TSGA10: variants seen among roughly 807,000 people sequenced by gnomAD.
TSGA10 encodes the protein testis specific 10, also known as testis-specific gene 10 protein.
TSGA10 carries 43 observed loss-of-function variants against 96.6 expected under a neutral mutation model. The observed-to-expected ratio is 0.44, with a 90% CI of 0.35 to 0.57. The LOEUF (loss-of-function observed/expected upper bound fraction) is 0.57. Among genes scored for constraint, TSGA10 ranks in the 20% least tolerant of loss-of-function variants. The pLI, the probability that TSGA10 is intolerant of heterozygous loss-of-function variation, is 0.01. For synonymous variants in TSGA10, 229 were observed against 269.9 expected, an observed-to-expected ratio of 0.85 and a Z score of 1.48; for missense variants, 703 against 834.4, an observed-to-expected ratio of 0.84 and a Z score of 1.94.
chr2:99,123,267 T>C (rs2092672836), intron 2 of TSGA10, among the ~76,000 whole-genome samples: 2 of 152,200 alleles, frequency 1.3e-5, no homozygotes, highest in Admixed American at 1.3e-4. Flanking sequence ...TTTTATGTCT[T>C]TGTGTCAAAT....
At chr2:99,127,993 C>G (rs551371944) in intron 1 of TSGA10, among the ~76,000 whole-genome samples, 3 of 152,314 alleles carry the variant, frequency 2.0e-5, no homozygotes, top group South Asian at 4.1e-4. Flanking sequence ...CGCTATTTTA[C>G]TTGACAACAT....
At chr2:99,046,486 G>A (rs182795296) in intron 16 of TSGA10, among the ~76,000 whole-genome samples, 52,239 of 151,938 alleles carry the variant, frequency 0.34, 10,102 homozygotes, top group African/African-American at 0.53. Flanking sequence ...GGTACATAAC[G>A]AAATGAAGGC....
At chr2:99,108,708 G>A in intron 7 of TSGA10, 125 bp downstream of exon 7, 1 of 638,788 alleles carries the variant, frequency 1.6e-6, no homozygotes, top group Non-Finnish European at 2.4e-6. Flanking sequence ...AAAAACATAT[G>A]TAATCCCCAA....
intron 10 of TSGA10, among the ~76,000 whole-genome samples, chr2:99,092,460 C>CA (rs1456740203): frequency 2.0e-5 from 3 of 151,434 alleles, no homozygotes; most frequent in East Asian, 1.9e-4. Flanking sequence ...GAAATTGCAA[C>CA]AAAAAACACA....
In TSGA10 at chr2:99,150,571, C is replaced by T; in HGVS notation, c.-621+4122G>A. 3 of 1,612,776 alleles carry T rather than the reference C, an allele frequency of 1.9e-6. No individual in the cohort carries two copies. In the East Asian group the frequency reaches 6.7e-5, roughly 36 times the overall value. ...TTCAGCTATCCTAATGGGATTTTCA[C>T]TTAGTAAATCTGCTACTCAGGTATC... On this transcript the variant is annotated intron_variant, in intron 1 of 20. Transcript: ENST00000393483.
intron 12 of TSGA10, among the ~76,000 whole-genome samples, chr2:99,077,842 G>A (rs375704113): frequency 4.6e-5 from 7 of 152,014 alleles, no homozygotes; most frequent in South Asian, 4.2e-4. Context: ...GATTACAGGC[G>A]TGAGCCACCG....
At chr2:99,108,212 T>C (rs2091514820) in intron 7 of TSGA10, among the ~76,000 whole-genome samples, 1 of 152,172 alleles carries the variant, frequency 6.6e-6, no homozygotes, top group Non-Finnish European at 1.5e-5. Context: ...TGTAAATTTA[T>C]AGGAAAACAT....
chr2:99,132,843 G>C (rs2093157010), intron 1 of TSGA10, among the ~76,000 whole-genome samples: 1 of 152,068 alleles, frequency 6.6e-6, no homozygotes, highest in African/African-American at 2.4e-5. Context: ...ACTTAATTCT[G>C]CCTTAATTTC....
In TSGA10 at chr2:99,074,351, CGTGTGTGTGTGT is replaced by C. The variant is rs147220063; in HGVS notation, c.883-1290_883-1279del. 3.4e-5 allele frequency among the ~76,000 whole-genome samples: 5 copies of C among 145,138 alleles called. No homozygotes were observed. In the East Asian group the frequency reaches 8.2e-4, roughly 24 times the overall value. On this transcript the variant is annotated intron_variant, in intron 12 of 20. Coordinates refer to ENST00000393483, the MANE Select transcript of TSGA10 (RefSeq NM_025244.4). ...TTAGCGTTAGTTTTACACATATTTG[CGTGTGTGTGTGT>C]GTGTGTGTGTGTGCTATCTTCCTTT...
intron 16 of TSGA10, among the ~76,000 whole-genome samples, chr2:99,059,846 G>A (rs1040913711): frequency 1.4e-5 from 2 of 146,854 alleles, no homozygotes; most frequent in Non-Finnish European, 3.0e-5. Context: ...CCCAGGAGGC[G>A]AAGGCTGCAG....
rs1298098942 is a variant in TSGA10, at chr2:99,052,820, G to A, written c.1404+12119C>T. On this transcript the variant is annotated intron_variant, in intron 16 of 20. Coordinates refer to ENST00000393483, the MANE Select transcript of TSGA10 (RefSeq NM_025244.4). ...GCAGTGGCTCATGCCTATAACCCCA[G>A]CACTTTGGAAGGCTGAGGCAGGTGG... is the stretch of plus-strand genomic sequence containing the variant. Among the ~76,000 whole-genome samples the A allele has an allele frequency of 3.3e-5, 5 of 152,072 alleles. No individual in the cohort carries two copies. In the East Asian group the frequency reaches 9.7e-4, roughly 29 times the overall value.
chr2:99,153,438 G>A (rs553449953), intron 1 of TSGA10, among the ~76,000 whole-genome samples: 1 of 152,310 alleles, frequency 6.6e-6, no homozygotes, highest in South Asian at 2.1e-4. Flanking sequence ...GCATGTTTGA[G>A]TGTCACTTGA....
chr2:99,101,591 G>C (rs1188163847), intron 10 of TSGA10, among the ~76,000 whole-genome samples: 1 of 151,942 alleles, frequency 6.6e-6, no homozygotes, highest in Non-Finnish European at 1.5e-5. Flanking sequence ...AGAGTAAAAA[G>C]AAATGAAGAA....
chr2:99,148,481 C>T (rs1041482506), intron 1 of TSGA10: 1 of 152,106 alleles, frequency 6.6e-6, no homozygotes, highest in Non-Finnish European at 1.5e-5. Context: ...TGAGTAAGTA[C>T]TATATTTAGG....
At chr2:99,006,022 G>A (rs1370610762) in intron 20 of TSGA10, among the ~76,000 whole-genome samples, 11 of 152,130 alleles carry the variant, frequency 7.2e-5, no homozygotes, top group Non-Finnish European at 1.3e-4. Flanking sequence ...TGACAAACCT[G>A]ACAAAAACAA....
intron 17 of TSGA10, among the ~76,000 whole-genome samples, chr2:99,025,051 G>C (rs1175104779): frequency 2.0e-5 from 3 of 152,068 alleles, no homozygotes; most frequent in Non-Finnish European, 4.4e-5. Flanking sequence ...ATTTTCTCGA[G>C]AATTTTTCAT....
intron 4 of TSGA10, among the ~76,000 whole-genome samples, chr2:99,114,170 AATCT>A (rs1251410458): frequency 6.6e-6 from 1 of 152,210 alleles, no homozygotes; most frequent in African/African-American, 2.4e-5. Context: ...CCCAGAGTAT[AATCT>A]TAAACACTAG....
chr2:99,127,047 C>T lies in TSGA10; in HGVS notation c.-492+1G>A. 1.6e-6 allele frequency: 2 copies of T among 1,288,246 alleles called. No homozygotes were observed. The highest frequency in any genetic ancestry group is 2.0e-6 in the Non-Finnish European group (2 of 988,350). The allele number at this position is 1,288,246 out of a possible 1,614,324, so 79.8% of individuals were successfully genotyped here. On this transcript the variant is annotated splice_donor_variant, in intron 2 of 20. Transcript: ENST00000393483. LOFTEE classifies it low-confidence loss of function (5UTR_SPLICE). ...GAAAATATGTTGTAACTAAACGCAA[C>T]CTGTAATTTCAGTGTCGAGATGAAT...
At chr2:99,130,974 T>G (rs2093051343) in intron 1 of TSGA10, among the ~76,000 whole-genome samples, 1 of 152,102 alleles carries the variant, frequency 6.6e-6, no homozygotes, top group Non-Finnish European at 1.5e-5. Context: ...TCTGTTCCAT[T>G]GGTATATATA....
Sources: gnomAD v4.1 joint callset for allele counts (sites outside exome capture counted in the v4.1 genomes callset) on GRCh38, gnomAD v4.1.1 for gene constraint, MANE v1.5 for transcripts, NCBI Gene and HGNC (gene_info 2026-07-23, HGNC 2026-07-21) for gene names.